AGO3: variants seen among roughly 807,000 people sequenced by gnomAD.
The protein encoded by AGO3 is protein argonaute-3.
A neutral mutation model predicts 105.5 loss-of-function variants in AGO3; 16 were observed. The ratio of observed to expected loss-of-function variants is 0.15; its 90% CI spans 0.10 to 0.23. AGO3 has a LOEUF of 0.23. Ranked by LOEUF, AGO3 falls within the 10% of genes least tolerant of loss-of-function variation. The probability of loss-of-function intolerance (pLI) is 1.00; values close to 1 mark genes in which losing one functional copy is unlikely to be tolerated. For synonymous variants in AGO3, 340 were observed against 367.3 expected (o/e 0.93, Z 0.85); for missense variants, 534 against 1,088.0 (o/e 0.49, Z 7.16).
At chr1:36,050,442 C>G (rs1014759914) in intron 17 of AGO3, among the ~76,000 whole-genome samples, 8 of 151,794 alleles carry the variant, frequency 5.3e-5, no homozygotes, top group African/African-American at 9.7e-5. Context: ...ACCAAGATCA[C>G]GCCACTGCAC....
chr1:36,019,546 A>G (rs1295374300), intron 11 of AGO3, among the ~76,000 whole-genome samples: 1 of 152,252 alleles, frequency 6.6e-6, no homozygotes, highest in African/African-American at 2.4e-5. Context: ...CTGTTATAGC[A>G]TCAGCCCACT....
intron 2 of AGO3, among the ~76,000 whole-genome samples, chr1:35,956,384 G>A (rs1225702414): frequency 6.6e-6 from 1 of 152,190 alleles, no homozygotes; most frequent in Non-Finnish European, 1.5e-5. Context: ...AAGTTCAATA[G>A]GTTATTGGAA....
intron 5 of AGO3, among the ~76,000 whole-genome samples, chr1:35,998,488 T>A (rs1225251928): frequency 1.3e-5 from 2 of 152,180 alleles, no homozygotes; most frequent in African/African-American, 2.4e-5. Flanking sequence ...TTCCACTTCC[T>A]TTCCTAAGTG....
rs560012726 is a variant in AGO3 at position 35,999,849 on chromosome 1, C to T, written c.659-4492C>T. ...TCCAACCTTTTAACTTTTTATTCTCCTAATTTGCTTTGCTATGCTAGCTAG... is the reference window on the plus strand; with the variant it reads ...TCCAACCTTTTAACTTTTTATTCTCTTAATTTGCTTTGCTATGCTAGCTAG... On this transcript the variant is annotated intron_variant, in intron 5 of 18. Coordinates refer to ENST00000373191, the MANE Select transcript of AGO3 (RefSeq NM_024852.4). 2.6e-5 allele frequency among the ~76,000 whole-genome samples: 4 copies of T among 151,758 alleles called. No individual in the cohort carries two copies. The South Asian group carries it at 6.2e-4, about 24-fold the overall frequency.
chr1:36,047,242 TA>T (rs1394416955), intron 17 of AGO3, among the ~76,000 whole-genome samples: 1 of 150,634 alleles, frequency 6.6e-6, no homozygotes, highest in African/African-American at 2.4e-5. Context: ...AAACTCTGCC[TA>T]AAAAAAAGAT....
rs1643047553 is a variant in AGO3 at position 36,063,358 on chromosome 1, C to G, written c.*7613C>G. 1 of 151,938 alleles carries G rather than the reference C, an allele frequency of 6.6e-6. No homozygotes were observed. The highest frequency in any genetic ancestry group is 1.5e-5 in the Non-Finnish European group (1 of 67,986). 9.4% of individuals were successfully genotyped at this position (151,938 alleles called of 1,614,324 possible). A position where few individuals can be genotyped will look rare whatever the true frequency, so the allele number is the denominator to read the frequency against. On this transcript the variant is annotated 3_prime_UTR_variant, in exon 19 of 19. Coordinates refer to ENST00000373191, the MANE Select transcript of AGO3 (RefSeq NM_024852.4). Reference sequence around the variant, plus strand: ...AAACCTGTCAAATAAATAATTGTTACATGCCTTTTTTTTTTAAATTTAAGC... The same window carrying G: ...AAACCTGTCAAATAAATAATTGTTAGATGCCTTTTTTTTTTAAATTTAAGC...
chr1:35,950,110 A>G (rs1333617883), intron 2 of AGO3, among the ~76,000 whole-genome samples: 1 of 151,868 alleles, frequency 6.6e-6, no homozygotes, highest in Non-Finnish European at 1.5e-5. Flanking sequence ...AATCCCAGCT[A>G]CTCGGGAGAC....
intron 2 of AGO3, among the ~76,000 whole-genome samples, chr1:35,952,810 A>G (rs1646497917): frequency 1.3e-5 from 2 of 152,200 alleles, no homozygotes; most frequent in Admixed American, 6.5e-5. Flanking sequence ...GTGTAAGCAC[A>G]TTCTATGATG....
intron 8 of AGO3, 79 bp downstream of exon 8, chr1:36,009,123 A>G (rs1640472371): frequency 1.5e-6 from 2 of 1,357,264 alleles, no homozygotes; most frequent in East Asian, 8.9e-5. Context: ...AACTTACCTC[A>G]TACAGAACAT....
At chr1:35,943,288 G>A (rs545791858) in intron 1 of AGO3, among the ~76,000 whole-genome samples, 4 of 149,638 alleles carry the variant, frequency 2.7e-5, no homozygotes, top group Admixed American at 6.7e-5. Context: ...GATTACAGGC[G>A]TGCCATGCCC....
chr1:35,988,785 A>C (rs1374036391), intron 5 of AGO3, among the ~76,000 whole-genome samples: 1 of 152,094 alleles, frequency 6.6e-6, no homozygotes, highest in Non-Finnish European at 1.5e-5. Flanking sequence ...TTTACTTTGC[A>C]TGTAGTCCCT....
intron 5 of AGO3, among the ~76,000 whole-genome samples, chr1:35,986,073 T>A (rs749857077): frequency 6.6e-6 from 1 of 152,238 alleles, no homozygotes; most frequent in Non-Finnish European, 1.5e-5. Context: ...TCTTATGAAA[T>A]ACCAAATGTT....
intron 9 of AGO3, among the ~76,000 whole-genome samples, chr1:36,012,308 G>GC: frequency 6.7e-6 from 1 of 149,778 alleles, no homozygotes; most frequent in Admixed American, 6.7e-5. Flanking sequence ...GGATGACAGA[G>GC]CGAGACCCTG....
At position 36,036,234 on chromosome 1, in the gene AGO3, T is replaced by C. The variant is rs1217995783; in HGVS notation, c.1809T>C (p.Pro603=). 1 of 1,614,154 alleles carries C rather than the reference T, an allele frequency of 6.2e-7. No individual in the cohort carries two copies. The highest frequency in any genetic ancestry group is 1.1e-5 in the South Asian group (1 of 91,088). Reference sequence around the variant, plus strand: ...TGGGAGCCGATGTCACTCATCCACCTGCTGGTGATGGAAAGAAGCCTTCTA... The same window carrying C: ...TGGGAGCCGATGTCACTCATCCACCCGCTGGTGATGGAAAGAAGCCTTCTA... ...IFLGADVTHP[P]AGDGKKPSIA... is the part of the protein sequence containing the mutation. Residue 603 remains proline, a synonymous_variant, in exon 14 of 19, where the codon CCT becomes CCC. Transcript: ENST00000373191.
chr1:36,014,479 T>C (rs1640785705), intron 11 of AGO3, among the ~76,000 whole-genome samples: 2 of 151,078 alleles, frequency 1.3e-5, no homozygotes, highest in Non-Finnish European at 3.0e-5. Flanking sequence ...CCTTTAAAAA[T>C]GTTTCTTCTT....
chr1:35,964,682 C>T (rs1001293573), intron 2 of AGO3, among the ~76,000 whole-genome samples: 2 of 152,028 alleles, frequency 1.3e-5, no homozygotes, highest in African/African-American at 4.8e-5. Flanking sequence ...TCTCTTTTTA[C>T]GTCTTTGAGG....
intron 9 of AGO3, chr1:36,013,425 C>T: frequency 1.8e-6 from 1 of 560,816 alleles, no homozygotes; most frequent in Non-Finnish European, 3.0e-6. Context: ...TATAAATTAC[C>T]AGGAGGTCAC....
intron 16 of AGO3, among the ~76,000 whole-genome samples, chr1:36,041,231 T>C (rs1642232335): frequency 6.7e-6 from 1 of 148,334 alleles, no homozygotes; most frequent in Non-Finnish European, 1.5e-5. Context: ...AGGAAATATG[T>C]TTTCTTTTTT....
Position 35,931,223 on chromosome 1 carries a change from G to T in AGO3, c.-204G>T. ...GCGCCTCACATCTCCCCTTCCTCTC[G>T]CCTAGTCCTGTGCCGTTTTCCGTCC... On this transcript the variant is annotated 5_prime_UTR_variant, in exon 1 of 19. Coordinates refer to ENST00000373191, the MANE Select transcript of AGO3 (RefSeq NM_024852.4). 2.3e-6 allele frequency: 1 copy of T among 427,316 alleles called. No homozygotes were observed. The allele number at this position is 427,316 out of a possible 1,614,324, so 26.5% of individuals were successfully genotyped here.
Sources: gnomAD v4.1 joint callset for allele counts (sites outside exome capture counted in the v4.1 genomes callset) on GRCh38, gnomAD v4.1.1 for gene constraint, MANE v1.5 for transcripts, NCBI Gene and HGNC (gene_info 2026-07-23, HGNC 2026-07-21) for gene names.